CSMD1: variants seen among roughly 807,000 people sequenced by gnomAD.
The protein encoded by CSMD1 is CUB and Sushi multiple domains 1, also known as CUB and sushi domain-containing protein 1.
In CSMD1, 213 loss-of-function variants were observed where a neutral mutation model predicts 417.5. The observed-to-expected ratio is 0.51, with a 90% CI of 0.46 to 0.57. CSMD1 has a LOEUF of 0.57. CSMD1 is among the 20% of genes least tolerant of loss of function. The pLI is 0.00. For missense variants in CSMD1, 6,923 were observed against 4,529.7 expected (o/e 1.53, Z -15.17); for synonymous variants, 2,862 against 1,736.8 (o/e 1.65, Z -16.11).
intron 3 of CSMD1, among the ~76,000 whole-genome samples, chr8:4,406,926 A>G (rs527453244): frequency 6.6e-6 from 1 of 152,346 alleles, no homozygotes; most frequent in Non-Finnish European, 1.5e-5. Flanking sequence ...TTAAATAACA[A>G]GACCAAGCTG....
intron 6 of CSMD1, among the ~76,000 whole-genome samples, chr8:3,733,764 G>C (rs1226569525): frequency 6.6e-6 from 1 of 152,150 alleles, no homozygotes; most frequent in Non-Finnish European, 1.5e-5. Context: ...TATTTTACTT[G>C]TACTTAATGA....
chr8:3,483,386 G>C (rs531382072), intron 11 of CSMD1, among the ~76,000 whole-genome samples: 2 of 152,048 alleles, frequency 1.3e-5, no homozygotes, highest in South Asian at 4.2e-4. Context: ...CATATTATTA[G>C]ATATAAACTG....
chr8:3,754,780 C>G (rs939824508), intron 5 of CSMD1, among the ~76,000 whole-genome samples: 5 of 152,116 alleles, frequency 3.3e-5, no homozygotes, highest in Non-Finnish European at 7.3e-5. Flanking sequence ...TCTATGTAAC[C>G]TGAAGTAGAC....
At chr8:3,110,519 T>C (rs1816441552) in intron 42 of CSMD1, among the ~76,000 whole-genome samples, 184 bp from the exon 43 acceptor site, 1 of 152,252 alleles carries the variant, frequency 6.6e-6, no homozygotes. Context: ...AGAAGAATTA[T>C]ACGTCTAAGC....
Position 3,257,684 on chromosome 8 carries a change from TTC to T in CSMD1, c.4153+26458_4153+26459del, listed in dbSNP as rs1207816095. 2.6e-5 allele frequency among the ~76,000 whole-genome samples: 4 copies of T among 152,026 alleles called. No individual in the cohort carries two copies. In the East Asian group the frequency reaches 7.8e-4, roughly 29 times the overall value. On this transcript the variant is annotated intron_variant, in intron 26 of 69. Transcript: ENST00000635120. ...GGCTACTGAGAAGGAGAACTGAAGT[TTC>T]TATCAAAGACCCTAAACGGTGGGCC...
intron 49 of CSMD1, among the ~76,000 whole-genome samples, chr8:3,074,500 G>T (rs538174551): frequency 6.6e-6 from 1 of 152,176 alleles, no homozygotes; most frequent in African/African-American, 2.4e-5. Flanking sequence ...GAAGCAAGCC[G>T]TCACACCTGT....
At chr8:3,776,350 G>C (rs1278671756) in intron 5 of CSMD1, among the ~76,000 whole-genome samples, 1 of 152,128 alleles carries the variant, frequency 6.6e-6, no homozygotes, top group East Asian at 1.9e-4. Context: ...ACACTCTCCA[G>C]GGGTCACCTG....
chr8:4,032,728 G>C (rs936421310), intron 3 of CSMD1, among the ~76,000 whole-genome samples: 1 of 152,168 alleles, frequency 6.6e-6, no homozygotes, highest in African/African-American at 2.4e-5. Flanking sequence ...TGATTCAAAA[G>C]CAAGTTTCAG....
At chr8:3,882,052 G>T (rs1806240469) in intron 5 of CSMD1, among the ~76,000 whole-genome samples, 1 of 151,924 alleles carries the variant, frequency 6.6e-6, no homozygotes, top group African/African-American at 2.4e-5. Context: ...AACAATAAAA[G>T]AAAAAACATA....
chr8:4,581,011 A>T lies in CSMD1; in HGVS notation c.302+56331T>A, dbSNP rs555600648. On this transcript the variant is annotated intron_variant, in intron 2 of 69. Transcript: ENST00000635120. ...TTCCAGTGCCTCACATGTAACAGAC[A>T]TGTGGTCATGGCTAGGTAAATCAAT... 3.9e-5 allele frequency among the ~76,000 whole-genome samples: 6 copies of T among 152,330 alleles called. No individual in the cohort carries two copies. In the South Asian group the frequency reaches 1.2e-3, roughly 32 times the overall value.
intron 52 of CSMD1, among the ~76,000 whole-genome samples, chr8:3,006,051 G>A (rs912361612): frequency 1.3e-5 from 2 of 151,924 alleles, no homozygotes; most frequent in Non-Finnish European, 2.9e-5. Context: ...ATCTCCTTAA[G>A]CTGATAAGCA....
chr8:4,914,109 A>T (rs530859722), intron 1 of CSMD1, among the ~76,000 whole-genome samples: 26 of 152,202 alleles, frequency 1.7e-4, no homozygotes, highest in African/African-American at 5.8e-4. Context: ...TGGATGATTG[A>T]TTTGTGTTGA....
chr8:4,754,026 G>A (rs1025873152), intron 1 of CSMD1, among the ~76,000 whole-genome samples: 7 of 152,106 alleles, frequency 4.6e-5, no homozygotes, highest in African/African-American at 1.7e-4. Flanking sequence ...CGCTTTGAAG[G>A]TTGTTAACAT....
chr8:3,037,840 G>T (rs1810795528), intron 50 of CSMD1, among the ~76,000 whole-genome samples: 1 of 152,112 alleles, frequency 6.6e-6, no homozygotes, highest in African/African-American at 2.4e-5. Context: ...AGACAAAAAG[G>T]TCTCAAGGCA....
rs187680066 is a variant in CSMD1 at position 3,702,699 on chromosome 8, G to C, written c.1009+5715C>G. Among the ~76,000 whole-genome samples, 90 of 152,278 alleles carry C rather than the reference G, an allele frequency of 5.9e-4. 2 individuals carry two copies. Among genetic ancestry groups the C allele is most frequent in the Admixed American group, 3.3e-4 (5 of 15,280 alleles). On this transcript the variant is annotated intron_variant, in intron 7 of 69. Transcript: ENST00000635120. Reference sequence around the variant, plus strand: ...ATAGAAAAATTAGCCGGGCATCGTGGTGCATGCCTGTAATCCCAGCTACTC... The same window carrying C: ...ATAGAAAAATTAGCCGGGCATCGTGCTGCATGCCTGTAATCCCAGCTACTC...
chr8:4,552,258 T>G (rs1251492825), intron 2 of CSMD1, among the ~76,000 whole-genome samples: 2 of 152,202 alleles, frequency 1.3e-5, no homozygotes, highest in African/African-American at 4.8e-5. Flanking sequence ...TCATCTGCTG[T>G]GTTTCTGCTT....
chr8:3,623,517 G>A (rs1299377844), intron 7 of CSMD1, among the ~76,000 whole-genome samples: 1 of 152,124 alleles, frequency 6.6e-6, no homozygotes, highest in African/African-American at 2.4e-5. Flanking sequence ...TACAAATGAA[G>A]CGCTAAAAAT....
At chr8:4,912,840 C>T (rs1402598150) in intron 1 of CSMD1, among the ~76,000 whole-genome samples, 2 of 151,972 alleles carry the variant, frequency 1.3e-5, no homozygotes, top group East Asian at 1.9e-4. Context: ...GACTAGAGTG[C>T]AGTGGTGCAA....
intron 3 of CSMD1, among the ~76,000 whole-genome samples, chr8:4,408,933 A>G (rs1183876928): frequency 2.0e-5 from 3 of 152,216 alleles, no homozygotes; most frequent in Admixed American, 1.3e-4. Context: ...CAGAAATCAT[A>G]AATTTACATG....
Sources: gnomAD v4.1 joint callset for allele counts (sites outside exome capture counted in the v4.1 genomes callset) on GRCh38, gnomAD v4.1.1 for gene constraint, MANE v1.5 for transcripts, NCBI Gene and HGNC (gene_info 2026-07-23, HGNC 2026-07-21) for gene names.